Variants in PATJ observed in about 807,000 individuals in gnomAD.
PATJ encodes inaD-like protein.
In PATJ, 190 loss-of-function variants were observed where a neutral mutation model predicts 224.9. That is an observed-to-expected ratio of 0.84 (90% CI 0.75 to 0.95). PATJ has a LOEUF of 0.95. Among genes scored for constraint, PATJ ranks in the 40% least tolerant of loss-of-function variants. PATJ has a pLI of 0.00. For missense variants in PATJ, 2,121 were observed against 2,270.3 expected (o/e 0.93, Z 1.34); for synonymous variants, 769 against 820.3 (o/e 0.94, Z 1.07).
intron 29 of PATJ, among the ~76,000 whole-genome samples, chr1:62,023,290 CA>C (rs10600520): frequency 0.072 from 7,580 of 104,918 alleles, 562 homozygotes; most frequent in East Asian, 0.47. Context: ...AAGTCCATCT[CA>C]AAAAAAAAAA....
intron 33 of PATJ, among the ~76,000 whole-genome samples, chr1:62,105,791 AAGT>A (rs899275972): frequency 1.3e-5 from 2 of 151,990 alleles, no homozygotes; most frequent in Non-Finnish European, 2.9e-5. Flanking sequence ...GATAAAATGA[AAGT>A]ACGGTATTTA....
chr1:61,790,665 C>T (rs1346251254), intron 8 of PATJ, among the ~76,000 whole-genome samples: 3 of 151,886 alleles, frequency 2.0e-5, no homozygotes, highest in African/African-American at 2.4e-5. Context: ...AGGCATGTGC[C>T]ACCATGCCTG....
chr1:62,106,975 G>T (rs374833723), intron 33 of PATJ, among the ~76,000 whole-genome samples: 14 of 151,978 alleles, frequency 9.2e-5, no homozygotes, highest in African/African-American at 3.1e-4. Flanking sequence ...CCCCACTGTG[G>T]GACCCATAGA....
Position 61,797,308 on chromosome 1 carries a change from G to C in PATJ, c.1282G>C (p.Gly428Arg). 1.2e-6 allele frequency: 2 copies of C among 1,613,290 alleles called. No individual in the cohort carries two copies. Among genetic ancestry groups the C allele is most frequent in the South Asian group, 1.1e-5 (1 of 91,024 alleles). Reference sequence around the variant, plus strand: ...TTAGGTCGATGGCGTGAACATTCAGGGTTTTGCCAACCATGATGTTGTTGA... The same window carrying C: ...TTAGGTCGATGGCGTGAACATTCAGCGTTTTGCCAACCATGATGTTGTTGA... Reference protein sequence around the residue: ...IVAVDGVNIQGFANHDVVEVL... With the variant: ...IVAVDGVNIQRFANHDVVEVL... Residue 428 changes from glycine to arginine, a missense_variant, in exon 11 of 44, where the codon GGT becomes CGT. Transcript: ENST00000642238.
In PATJ at chr1:61,914,597, A is replaced by G. The variant is rs1226444837; in HGVS notation, c.3503A>G (p.Asn1168Ser). 2 of 1,538,588 alleles carry G rather than the reference A, an allele frequency of 1.3e-6. No homozygotes were observed. The highest frequency in any genetic ancestry group is 9.0e-7 in the Non-Finnish European group (1 of 1,113,652). Residue 1168 changes from asparagine to serine, a missense_variant, in exon 26 of 44, where the codon AAC becomes AGC. Transcript: ENST00000642238. ...TTTTTGTCACCATAGGTCATTCCTA[A>G]CGTACATAACAAGGCCAACAAAATC... ...SLSSTPRVIP[N>S]VHNKANKITG...
At chr1:61,984,148 AATTATT>A (rs71577219) in intron 27 of PATJ, among the ~76,000 whole-genome samples, 1 of 141,198 alleles carries the variant, frequency 7.1e-6, no homozygotes, top group African/African-American at 2.7e-5. Context: ...AAATACGCTC[AATTATT>A]ATTATTATTA....
In PATJ at chr1:61,787,965, C is replaced by G. The variant is rs1404541919; in HGVS notation, c.1061C>G (p.Pro354Arg). ...VALPTVASKG[P>R]GSDSSLFETY... The stretch of plus-strand genomic sequence containing the variant: ...CTGCCTACTGTAGCCAGCAAGGGCC[C>G]TGGTTCTGTGAGTATACATATCATT... Residue 354 changes from proline (P) to arginine (R), a missense_variant, in exon 8 of 44, where the codon CCT becomes CGT. Physicochemically the swap from Pro to Arg is moderately radical, Grantham distance 103. Coordinates refer to ENST00000642238, the MANE Select transcript of PATJ (RefSeq NM_001350145.3). 1.2e-6 allele frequency: 2 copies of G among 1,612,150 alleles called. No homozygotes were observed. Among genetic ancestry groups the G allele is most frequent in the Non-Finnish European group, 1.7e-6 (2 of 1,179,122 alleles).
intron 34 of PATJ, among the ~76,000 whole-genome samples, chr1:62,112,367 G>C (rs1283601041): frequency 1.3e-5 from 2 of 152,048 alleles, no homozygotes; most frequent in Non-Finnish European, 2.9e-5. Flanking sequence ...TTAGCCAGGC[G>C]TGGTGGCTGA....
At chr1:61,872,689 G>A (rs1241067236) in intron 20 of PATJ, among the ~76,000 whole-genome samples, 4 of 152,126 alleles carry the variant, frequency 2.6e-5, no homozygotes, top group African/African-American at 9.7e-5. Context: ...AAAACTAATA[G>A]GGTCCAAATT....
intron 31 of PATJ, among the ~76,000 whole-genome samples, chr1:62,053,359 G>A (rs938605993): frequency 1.3e-5 from 2 of 152,182 alleles, no homozygotes; most frequent in African/African-American, 4.8e-5. Context: ...AGTTCAGAAA[G>A]GAAAGATAGC....
chr1:61,848,946 C>G (rs191970243), intron 17 of PATJ, among the ~76,000 whole-genome samples: 13 of 152,082 alleles, frequency 8.5e-5, no homozygotes, highest in African/African-American at 2.9e-4. Flanking sequence ...ATTCTCTTAT[C>G]CAATATTACA....
At chr1:62,147,795 C>G (rs61777730) in intron 41 of PATJ, among the ~76,000 whole-genome samples, 3 of 143,790 alleles carry the variant, frequency 2.1e-5, no homozygotes, top group African/African-American at 7.8e-5. Flanking sequence ...GAGACTCCGA[C>G]TAAAAAAAAA....
At chr1:62,101,821 G>A (rs1361765420) in intron 33 of PATJ, among the ~76,000 whole-genome samples, 1 of 152,142 alleles carries the variant, frequency 6.6e-6, no homozygotes, top group East Asian at 1.9e-4. Flanking sequence ...CTATTTGGGA[G>A]ATTCTCCCTT....
chr1:61,941,650 C>CAATA (rs755332851), intron 27 of PATJ, among the ~76,000 whole-genome samples: 119 of 151,856 alleles, frequency 7.8e-4, no homozygotes, highest in African/African-American at 1.1e-3. Context: ...GACTCTGTCT[C>CAATA]AATAAATAAA....
chr1:62,101,668 G>T (rs2148836532), intron 33 of PATJ, among the ~76,000 whole-genome samples: 1 of 152,294 alleles, frequency 6.6e-6, no homozygotes, highest in Non-Finnish European at 1.5e-5. Flanking sequence ...AAGATTTGAT[G>T]TTTTAAGTGT....
At chr1:61,792,273 C>T (rs774761630) in intron 9 of PATJ, among the ~76,000 whole-genome samples, 6 of 152,226 alleles carry the variant, frequency 3.9e-5, no homozygotes, top group East Asian at 1.9e-4. Context: ...TTAGATTCTA[C>T]GTGCCACCTT....
At chr1:61,743,445 G>T (rs1644864640) in intron 1 of PATJ, among the ~76,000 whole-genome samples, 1 of 152,168 alleles carries the variant, frequency 6.6e-6, no homozygotes, top group African/African-American at 2.4e-5. Context: ...TTTAGAGGGT[G>T]CCCCTTTCAG....
At chr1:62,090,431 A>C (rs1352595126) in intron 33 of PATJ, among the ~76,000 whole-genome samples, 1 of 152,138 alleles carries the variant, frequency 6.6e-6, no homozygotes, top group South Asian at 2.1e-4. Context: ...ACTTTTAGTG[A>C]TTATGGTCTA....
intron 14 of PATJ, among the ~76,000 whole-genome samples, chr1:61,820,202 C>T (rs1027065863): frequency 5.3e-5 from 8 of 151,878 alleles, no homozygotes; most frequent in African/African-American, 1.5e-4. Context: ...CAACCATGCT[C>T]AGCTAATTTT....
Sources: gnomAD v4.1 joint callset for allele counts (sites outside exome capture counted in the v4.1 genomes callset) on GRCh38, gnomAD v4.1.1 for gene constraint, MANE v1.5 for transcripts, NCBI Gene and HGNC (gene_info 2026-07-23, HGNC 2026-07-21) for gene names.